Variants in ADNP observed in about 807,000 individuals in gnomAD.
ADNP encodes the protein activity dependent neuroprotector homeobox.
In ADNP, 4 loss-of-function variants were observed where a neutral mutation model predicts 84.9. The observed-to-expected ratio is 0.05, with a 90% CI of 0.02 to 0.11. The LOEUF is 0.11. Ranked by LOEUF, ADNP falls within the 10% of genes least tolerant of loss-of-function variation. The pLI is 1.00. For synonymous variants in ADNP, 554 were observed against 468.1 expected (o/e 1.18, Z -2.37); for missense variants, 1,132 against 1,326.0 (o/e 0.85, Z 2.27).
At chr20:50,911,955 T>C (rs1322956294) in intron 2 of ADNP, among the ~76,000 whole-genome samples, 3 of 151,890 alleles carry the variant, frequency 2.0e-5, no homozygotes, top group African/African-American at 4.8e-5. Context: ...AGGTGTAAAC[T>C]TTGCTACTTT....
At position 50,892,923 on chromosome 20, in the gene ADNP, A is replaced by G. The variant is rs770831612; in HGVS notation, c.1791T>C (p.Val597=). The G allele has an allele frequency of 3.1e-6, 5 of 1,614,238 alleles. No homozygotes were observed. Among genetic ancestry groups the G allele is most frequent in the Non-Finnish European group, 4.2e-6 (5 of 1,180,044 alleles). The change falls in exon 6 of 6, where the codon GTT becomes GTC. Residue 597 remains valine, a synonymous_variant. Transcript: ENST00000621696. ...PPVPPKPQPK[V]QEKADIPVKS... ...TTACAGGGATATCTGCCTTTTCCTG[A>G]ACCTTTGGCTGTGGCTTTGGAGGAA...
intron 2 of ADNP, among the ~76,000 whole-genome samples, chr20:50,922,708 T>C (rs1207500035): frequency 6.6e-6 from 1 of 151,594 alleles, no homozygotes; most frequent in African/African-American, 2.4e-5. Flanking sequence ...GCCTCCTGAG[T>C]AGCTGGGATT....
intron 2 of ADNP, among the ~76,000 whole-genome samples, chr20:50,926,965 C>G (rs189537375): frequency 6.6e-6 from 1 of 152,198 alleles, no homozygotes; most frequent in Admixed American, 6.5e-5. Context: ...AAAATACTAA[C>G]TTTTTAATAC....
At chr20:50,896,570 C>CTGGT (rs1360929693) in intron 5 of ADNP, among the ~76,000 whole-genome samples, 295 of 152,246 alleles carry the variant, frequency 1.9e-3, no homozygotes, top group Admixed American at 3.1e-3. Flanking sequence ...AAAAAAAAAC[C>CTGGT]AAAAACTTTA....
chr20:50,914,261 T>C, intron 2 of ADNP: 1 of 709,616 alleles, frequency 1.4e-6, no homozygotes, highest in Non-Finnish European at 2.6e-6. Flanking sequence ...CCACACTTAG[T>C]CTGTGATAAG....
chr20:50,910,441 T>C (rs1982919714), intron 2 of ADNP, among the ~76,000 whole-genome samples: 1 of 152,150 alleles, frequency 6.6e-6, no homozygotes, highest in South Asian at 2.1e-4. Flanking sequence ...TATGTTTCTA[T>C]AAGAAAGCAT....
intron 1 of ADNP, among the ~76,000 whole-genome samples, chr20:50,929,172 C>T (rs1387774863): frequency 6.6e-6 from 1 of 152,180 alleles, no homozygotes; most frequent in Non-Finnish European, 1.5e-5. Context: ...TGCCCCCAAA[C>T]CTGTTACTTT....
At chr20:50,927,070 C>G (rs984739100) in intron 2 of ADNP, among the ~76,000 whole-genome samples, 1 of 152,052 alleles carries the variant, frequency 6.6e-6, no homozygotes, top group Non-Finnish European at 1.5e-5. Context: ...AAATAATAAG[C>G]CATTTTTGCC....
intron 2 of ADNP, among the ~76,000 whole-genome samples, chr20:50,910,508 G>A (rs1982926256): frequency 6.6e-6 from 1 of 152,152 alleles, no homozygotes; most frequent in African/African-American, 2.4e-5. Context: ...GATCACTTGA[G>A]CCCAGGAGTT....
rs867226071 is a variant in ADNP, at chr20:50,918,952, T to C, written c.-90+9699A>G. ...GGTTCATCACATTACCTACCAATTA[T>C]ACAAAAATTATAATCACACTGTGAC... On this transcript the variant is annotated intron_variant, in intron 2 of 5. Transcript: ENST00000621696. Among the ~76,000 whole-genome samples, 8 of 152,332 alleles carry C rather than the reference T, an allele frequency of 5.3e-5. 1 individual carries two copies. The South Asian group carries it at 1.0e-3, about 20-fold the overall frequency.
chr20:50,891,984 T>A lies in ADNP; in HGVS notation c.2730A>T (p.Glu910Asp). 1 of 1,614,220 alleles carries A rather than the reference T, an allele frequency of 6.2e-7. No individual in the cohort carries two copies. The highest frequency in any genetic ancestry group is 8.5e-7 in the Non-Finnish European group (1 of 1,180,038). ...EPKISNDNPE[E>D]HVLKVIPEDA... ...CCTCAGGAATTACCTTCAGTACATG[T>A]TCCTCTGGGTTATCGTTAGAGATTT... The change falls in exon 6 of 6, where the codon GAA (glutamate) becomes GAT (aspartate). Residue 910 changes from glutamate (E) to aspartate (D), a missense_variant. Transcript: ENST00000621696.
At chr20:50,902,684 A>G (rs911160057) in intron 4 of ADNP, among the ~76,000 whole-genome samples, 1 of 152,130 alleles carries the variant, frequency 6.6e-6, no homozygotes, top group Non-Finnish European at 1.5e-5. Context: ...TAGGAAGATT[A>G]AAAGTCTTAG....
intron 2 of ADNP, among the ~76,000 whole-genome samples, chr20:50,907,703 C>T (rs1381479018): frequency 6.6e-6 from 1 of 152,114 alleles, no homozygotes; most frequent in East Asian, 1.9e-4. Context: ...CCACCTCAGC[C>T]CCACCAGCTG....
chr20:50,916,155 A>G (rs747819692), intron 2 of ADNP, among the ~76,000 whole-genome samples: 6 of 152,236 alleles, frequency 3.9e-5, no homozygotes, highest in Non-Finnish European at 8.8e-5. Flanking sequence ...ATGCAAGGCG[A>G]AAGATGGTAT....
intron 2 of ADNP, among the ~76,000 whole-genome samples, chr20:50,924,175 C>G (rs556424822): frequency 6.6e-6 from 1 of 152,316 alleles, no homozygotes; most frequent in Non-Finnish European, 1.5e-5. Flanking sequence ...CTGCTCAGGA[C>G]AGACTGACTG....
rs750479975 is a variant in ADNP at position 50,892,114 on chromosome 20, T to C, written c.2600A>G (p.Asn867Ser). 1.1e-5 allele frequency: 18 copies of C among 1,614,036 alleles called. No individual in the cohort carries two copies. Among genetic ancestry groups the C allele is most frequent in the East Asian group, 4.5e-5 (2 of 44,890 alleles). The change falls in exon 6 of 6, where the codon AAC (asparagine) becomes AGC (serine). Residue 867 changes from asparagine to serine, a missense_variant. Transcript: ENST00000621696. ...NASKTADKKLNLGKEDDSSSD... is the reference protein window; with the variant it reads ...NASKTADKKLSLGKEDDSSSD... ...GGAACTGTCATCTTCCTTCCCAAGG[T>C]TGAGCTTTTTGTCAGCAGTCTTACT...
rs1031605024 is a variant in ADNP at position 50,889,802 on chromosome 20, A to G, written c.*1603T>C. 1 of 398,296 alleles carries G rather than the reference A, an allele frequency of 2.5e-6. No homozygotes were observed. Among genetic ancestry groups the G allele is most frequent in the Non-Finnish European group, 4.4e-6 (1 of 225,974 alleles). 24.7% of individuals were successfully genotyped at this position (398,296 alleles called of 1,614,324 possible). A position where few individuals can be genotyped will look rare whatever the true frequency, so the allele number is the denominator to read the frequency against. On this transcript the variant is annotated 3_prime_UTR_variant, in exon 6 of 6. Transcript: ENST00000621696. ...TCTCTTGGGAATCTACGCATGGTAA[A>G]AATACCAGCTCCTTCCATCTTTACA...
In ADNP at chr20:50,892,397, T is replaced by C. The variant is rs140169338; in HGVS notation, c.2317A>G (p.Lys773Glu). ...GGATAGGGCTGTTTGTTGAAATACT[T>C]TGTTAGAAAGCTTTTCCTGGCTTCA... ...SYEARKSFLT[K>E]YFNKQPYPTR... is the part of the protein sequence containing the mutation. Residue 773 changes from lysine (K) to glutamate (E), a missense_variant, in exon 6 of 6, where the codon AAG (lysine) becomes GAG (glutamate). Physicochemically the swap from Lys to Glu is moderately conservative, Grantham distance 56 (BLOSUM62 1). Around this residue, in one of 10 missense-constraint regions of ADNP, gnomAD observed 41 missense variants for 78.4 expected, o/e 0.52. Transcript: ENST00000621696. The C allele has an allele frequency of 9.5e-5, 153 of 1,614,214 alleles. No homozygotes were observed. In the African/African-American group the frequency reaches 1.9e-3, roughly 20 times the overall value.
chr20:50,919,291 G>GTATATATATATATATATATATA (rs199569280), intron 2 of ADNP, among the ~76,000 whole-genome samples: 5 of 77,200 alleles, frequency 6.5e-5, no homozygotes, highest in African/African-American at 1.9e-4. Flanking sequence ...ATATTTAAGT[G>GTATATATATATATATATATATA]TATATATATA....
Sources: gnomAD v4.1 joint callset for allele counts (sites outside exome capture counted in the v4.1 genomes callset) on GRCh38, gnomAD v4.1.1 for gene constraint, gnomAD v4.1.1 regional missense constraint, MANE v1.5 for transcripts, NCBI Gene and HGNC (gene_info 2026-07-23, HGNC 2026-07-21) for gene names.